Variants in MMP20 observed in about 807,000 individuals in gnomAD.
MMP20 encodes the protein matrix metalloproteinase-20.
In MMP20, 50 loss-of-function variants were observed where a neutral mutation model predicts 51.8. The ratio of observed to expected loss-of-function variants is 0.97; its 90% CI spans 0.77 to 1.22. The LOEUF (loss-of-function observed/expected upper bound fraction) is 1.22, where lower values mean the gene tolerates loss of function less well. Among genes scored for constraint, MMP20 ranks in the 50% most tolerant of loss-of-function variants. MMP20 has a pLI of 0.00. For missense variants in MMP20, 663 were observed against 601.4 expected (o/e 1.10, Z -1.07); for synonymous variants, 244 against 216.2 (o/e 1.13, Z -1.13).
At position 102,611,914 on chromosome 11, in the gene MMP20, G is replaced by T. The variant is rs538004005; in HGVS notation, c.375-11C>A. On this transcript the variant is annotated splice_polypyrimidine_tract_variant and intron_variant, in intron 2 of 9. Coordinates refer to ENST00000260228, the MANE Select transcript of MMP20 (RefSeq NM_004771.4). ...GTGTATTTAGATATTCTGTGAAAACGGAAGGAACATGTTTTCTTTTCAGTA... is the reference window on the plus strand; with the variant it reads ...GTGTATTTAGATATTCTGTGAAAACTGAAGGAACATGTTTTCTTTTCAGTA... 4.3e-6 allele frequency: 7 copies of T among 1,613,884 alleles called. No individual in the cohort carries two copies.
intron 2 of MMP20, among the ~76,000 whole-genome samples, chr11:102,613,374 C>G (rs919997134): frequency 6.6e-6 from 1 of 151,170 alleles, no homozygotes; most frequent in African/African-American, 2.5e-5. Context: ...CCTGCTTTCT[C>G]TCTCTCTCTC....
At chr11:102,577,886 T>C (rs1200200551) in intron 9 of MMP20, among the ~76,000 whole-genome samples, 1 of 152,262 alleles carries the variant, frequency 6.6e-6, no homozygotes, top group East Asian at 1.9e-4. Flanking sequence ...CACTAAATTA[T>C]AGATTGTCTG....
intron 8 of MMP20, among the ~76,000 whole-genome samples, chr11:102,591,665 G>T (rs528932604): frequency 6.6e-6 from 1 of 152,014 alleles, no homozygotes; most frequent in Non-Finnish European, 1.5e-5. Flanking sequence ...CCAACTTTTC[G>T]GTGAATCTAT....
At chr11:102,607,040 T>A (rs1378330147) in intron 5 of MMP20, 10 of 215,034 alleles carry the variant, frequency 4.7e-5, no homozygotes, top group Non-Finnish European at 8.5e-5. Flanking sequence ...TTCTTTGATA[T>A]CTACAAGTGT....
chr11:102,577,279 G>T lies in MMP20; in HGVS notation c.*47C>A. ...TTTAGTCCTTAAGATCCAGTTAGAG[G>T]CTGCTTGTAGTCATCCTCATTGCTT... On this transcript the variant is annotated 3_prime_UTR_variant, in exon 10 of 10. Transcript: ENST00000260228. 1.6e-6 allele frequency: 2 copies of T among 1,287,144 alleles called. No individual in the cohort carries two copies. Among genetic ancestry groups the T allele is most frequent in the Non-Finnish European group, 2.3e-6 (2 of 882,574 alleles). The allele number at this position is 1,287,144 out of a possible 1,614,324, so 79.7% of individuals were successfully genotyped here.
At chr11:102,579,464 C>T (rs1174291765) in intron 8 of MMP20, among the ~76,000 whole-genome samples, 3 of 151,892 alleles carry the variant, frequency 2.0e-5, no homozygotes, top group Non-Finnish European at 2.9e-5. Context: ...AGGCATGTAC[C>T]ACCACACCCT....
chr11:102,578,791 AC>A (rs1330927532), intron 9 of MMP20, among the ~76,000 whole-genome samples: 112 of 111,068 alleles, frequency 1.0e-3, no homozygotes, highest in African/African-American at 4.5e-3. Context: ...ACACACACAC[AC>A]AAAAACAAAA....
At chr11:102,599,369 G>A (rs1859419915) in intron 6 of MMP20, among the ~76,000 whole-genome samples, 3 of 152,154 alleles carry the variant, frequency 2.0e-5, no homozygotes, top group Admixed American at 2.0e-4. Context: ...CTGAGATCAG[G>A]TGATGTGGTG....
In MMP20 at chr11:102,577,304, T is replaced by C. The variant is rs189995623; in HGVS notation, c.*22A>G. 1 of 1,528,408 alleles carries C rather than the reference T, an allele frequency of 6.5e-7. No individual in the cohort carries two copies. Among genetic ancestry groups the C allele is most frequent in the East Asian group, 2.2e-5 (1 of 44,470 alleles). 94.7% of individuals were successfully genotyped at this position (1,528,408 alleles called of 1,614,324 possible). A position where few individuals can be genotyped will look rare whatever the true frequency, so the allele number is the denominator to read the frequency against. ...GCTGCTTGTAGTCATCCTCATTGCTTGAGAAGACTAGGCTTTTCTATTTAG... is the reference window on the plus strand; with the variant it reads ...GCTGCTTGTAGTCATCCTCATTGCTCGAGAAGACTAGGCTTTTCTATTTAG... On this transcript the variant is annotated 3_prime_UTR_variant, in exon 10 of 10. Transcript: ENST00000260228.
At chr11:102,616,358 T>C (rs953267768) in intron 2 of MMP20, among the ~76,000 whole-genome samples, 1 of 152,192 alleles carries the variant, frequency 6.6e-6, no homozygotes, top group Non-Finnish European at 1.5e-5. Flanking sequence ...GTGAGTTCCC[T>C]AAGGTCAAGA....
At chr11:102,589,544 C>T (rs560512312) in intron 8 of MMP20, among the ~76,000 whole-genome samples, 58 of 152,152 alleles carry the variant, frequency 3.8e-4, no homozygotes, top group Non-Finnish European at 7.2e-4. Context: ...TTTTCCCTTT[C>T]AATGCCATAA....
At chr11:102,598,784 G>T (rs1000891056) in intron 6 of MMP20, among the ~76,000 whole-genome samples, 1 of 152,040 alleles carries the variant, frequency 6.6e-6, no homozygotes, top group South Asian at 2.1e-4. Context: ...GAGCCTTAAA[G>T]GTCTTCTTTT....
chr11:102,617,130 G>A, intron 1 of MMP20, 71 bp from the exon 2 acceptor site: 1 of 1,564,702 alleles, frequency 6.4e-7, no homozygotes, highest in East Asian at 2.2e-5. Flanking sequence ...GTAAGGCAGG[G>A]GACAGCATTC....
rs566614747 is a variant in MMP20, at chr11:102,621,472, A to G, written c.126+3722T>C. Among the ~76,000 whole-genome samples the G allele has an allele frequency of 2.2e-4, 33 of 152,320 alleles. 1 individual carries two copies. The South Asian group carries it at 4.6e-3, about 21-fold the overall frequency. On this transcript the variant is annotated intron_variant, in intron 1 of 9. Coordinates refer to ENST00000260228, the MANE Select transcript of MMP20 (RefSeq NM_004771.4). ...AATTTCTTGTGGTTTCAGTTTTCTCATCTATAGAGTGGTTTCTGCCCTACT... is the reference window on the plus strand; with the variant it reads ...AATTTCTTGTGGTTTCAGTTTTCTCGTCTATAGAGTGGTTTCTGCCCTACT...
Position 102,616,882 on chromosome 11 carries a change from C to A in MMP20, c.304G>T (p.Val102Phe), listed in dbSNP as rs1215121029. The A allele has an allele frequency of 6.2e-7, 1 of 1,614,174 alleles. No individual in the cohort carries two copies. Among genetic ancestry groups the A allele is most frequent in the Non-Finnish European group, 8.5e-7 (1 of 1,180,028 alleles). Residue 102 changes from valine (V) to phenylalanine (F), a missense_variant, in exon 2 of 10, where the codon GTT (valine) becomes TTT (phenylalanine). Val to Phe is a conservative substitution (Grantham distance 50, BLOSUM62 -1). Transcript: ENST00000260228. The part of the protein sequence containing the change: ...MNVIKKPRCG[V>F]PDVANYRLFP... Reference sequence around the variant, plus strand: ...AGGCGATAATTGGCCACATCAGGAACTCCACAGCGAGGCTTCTTGATCACG... The same window carrying A: ...AGGCGATAATTGGCCACATCAGGAAATCCACAGCGAGGCTTCTTGATCACG...
chr11:102,597,149 G>A (rs540645674), intron 6 of MMP20, among the ~76,000 whole-genome samples: 1 of 152,312 alleles, frequency 6.6e-6, no homozygotes, highest in African/African-American at 2.4e-5. Context: ...TCTGAATGAT[G>A]TCTCTGATGA....
intron 1 of MMP20, among the ~76,000 whole-genome samples, chr11:102,623,848 T>G (rs1450782968): frequency 6.6e-6 from 1 of 152,120 alleles, no homozygotes; most frequent in Non-Finnish European, 1.5e-5. Flanking sequence ...AGAATCACAG[T>G]GGCATGAGGC....
intron 1 of MMP20, among the ~76,000 whole-genome samples, chr11:102,619,370 G>A (rs1248453673): frequency 6.6e-6 from 1 of 152,104 alleles, no homozygotes; most frequent in Non-Finnish European, 1.5e-5. Context: ...GGTTATATAA[G>A]GGAAGATGCT....
At chr11:102,579,176 T>C in intron 8 of MMP20, 34 bp from the exon 9 acceptor site, 3 of 1,479,304 alleles carry the variant, frequency 2.0e-6, no homozygotes, top group Non-Finnish European at 2.8e-6. Flanking sequence ...ATAATATTAC[T>C]AAGAGGTTTT....
Sources: allele counts gnomAD v4.1 joint callset (sites outside exome capture counted in the v4.1 genomes callset), GRCh38; gene constraint gnomAD v4.1.1; transcripts MANE v1.5; gene names NCBI Gene and HGNC (gene_info 2026-07-23, HGNC 2026-07-21).